The following KCNG1 variants were observed in gnomAD, a reference collection of about 807,000 sequenced individuals.
KCNG1 encodes the protein potassium voltage-gated channel modifier subfamily G member 1.
KCNG1 carries 17 observed loss-of-function variants against 32.4 expected under a neutral mutation model. The ratio of observed to expected loss-of-function variants is 0.52; its 90% CI spans 0.36 to 0.79. The LOEUF is 0.79. Among genes scored for constraint, KCNG1 ranks in the 30% least tolerant of loss-of-function variants. The pLI is 0.00. For synonymous variants in KCNG1, 358 were observed against 339.9 expected (o/e 1.05, Z -0.59); for missense variants, 441 against 735.2 (o/e 0.60, Z 4.63).
At chr20:51,019,058 A>G (rs1048962106) in intron 1 of KCNG1, among the ~76,000 whole-genome samples, 1 of 152,162 alleles carries the variant, frequency 6.6e-6, no homozygotes, top group Admixed American at 6.5e-5. Context: ...AAAAATCAAC[A>G]AAACCCCTAG....
At chr20:51,022,395 T>G (rs149717251) in intron 1 of KCNG1, among the ~76,000 whole-genome samples, 476 of 152,280 alleles carry the variant, frequency 3.1e-3, no homozygotes, top group Non-Finnish European at 4.9e-3. Flanking sequence ...AATAAACGCT[T>G]GCTGTGTTCA....
At chr20:51,021,874 C>T (rs939426470) in intron 1 of KCNG1, among the ~76,000 whole-genome samples, 2 of 152,180 alleles carry the variant, frequency 1.3e-5, no homozygotes, top group Non-Finnish European at 2.9e-5. Context: ...CCCCATCACC[C>T]GCCCCTAAGG....
chr20:51,004,930 C>T lies in KCNG1; in HGVS notation c.775-124G>A. Reference sequence around the variant, plus strand: ...AGGTGACCTCTCCAGGTTGAGTGGCCCCGGGTCCTCTCCCTAGTTGTGCCC... The same window carrying T: ...AGGTGACCTCTCCAGGTTGAGTGGCTCCGGGTCCTCTCCCTAGTTGTGCCC... On this transcript the variant is annotated intron_variant, in intron 2 of 2. Transcript: ENST00000371571. This position sits in a 1 kb window ranked among gnomAD's most constrained non-coding sequence, Gnocchi z 4.3. The T allele has an allele frequency of 1.0e-6, 1 of 978,176 alleles. No homozygotes were observed. Among genetic ancestry groups the T allele is most frequent in the Non-Finnish European group, 1.5e-6 (1 of 684,894 alleles). The allele number at this position is 978,176 out of a possible 1,614,324, so 60.6% of individuals were successfully genotyped here.
In KCNG1 at chr20:51,003,765, T is replaced by G; in HGVS notation, c.*274A>C. ...GTGAAAAGAACAAGGCATCTCCTTATTGAGGGAAACACACATAGGGGCTGG... is the reference window on the plus strand; with the variant it reads ...GTGAAAAGAACAAGGCATCTCCTTAGTGAGGGAAACACACATAGGGGCTGG... On this transcript the variant is annotated 3_prime_UTR_variant, in exon 3 of 3. Transcript: ENST00000371571. 2 of 376,464 alleles carry G rather than the reference T, an allele frequency of 5.3e-6. No individual in the cohort carries two copies. The highest frequency in any genetic ancestry group is 4.8e-6 in the Non-Finnish European group (1 of 209,430). The allele number at this position is 376,464 out of a possible 1,614,324, so 23.3% of individuals were successfully genotyped here.
chr20:51,009,843 T>C lies in KCNG1; in HGVS notation c.496A>G (p.Lys166Glu). The C allele has an allele frequency of 6.2e-7, 1 of 1,613,408 alleles. No homozygotes were observed. The highest frequency in any genetic ancestry group is 8.5e-7 in the Non-Finnish European group (1 of 1,179,938). Residue 166 changes from lysine (K) to glutamate (E), a missense_variant, in exon 2 of 3, where the codon AAG becomes GAG. This residue lies in a region of KCNG1 where 70 missense variants were observed against 158.4 expected (regional missense o/e 0.44). Transcript: ENST00000371571. ...IAEDHLDGCC[K>E]RRYLQKIEEF... is the part of the protein sequence containing the mutation. ...TCAATCTTCTGCAGGTAGCGGCGCT[T>C]GCAGCAGCCGTCCAGGTGGTCCTCC...
rs764148815 is a variant in KCNG1 at position 51,004,264 on chromosome 20, T to C, written c.1317A>G (p.Val439=). ...DMVPRSTPGQ[V]VALSSILSGI... is the part of the protein sequence containing the mutation. ...CGCTCAGGATGCTGCTCAGGGCCACTACCTGGCCCGGGGTGCTCCTGGGGA... is the reference window on the plus strand; with the variant it reads ...CGCTCAGGATGCTGCTCAGGGCCACCACCTGGCCCGGGGTGCTCCTGGGGA... The change falls in exon 3 of 3, where the codon GTA becomes GTG. Residue 439 remains valine, a synonymous_variant. Coordinates refer to ENST00000371571, the MANE Select transcript of KCNG1 (RefSeq NM_002237.4). The surrounding 1 kb of genome is among the most constrained non-coding windows in gnomAD (Gnocchi z 4.3). The C allele has an allele frequency of 2.0e-5, 33 of 1,613,624 alleles. No individual in the cohort carries two copies. Among genetic ancestry groups the C allele is most frequent in the Admixed American group, 6.7e-5 (4 of 59,998 alleles).
chr20:51,019,346 TACAATTAAA>T (rs1431143406), intron 1 of KCNG1, among the ~76,000 whole-genome samples: 1 of 152,096 alleles, frequency 6.6e-6, no homozygotes, highest in African/African-American at 2.4e-5. Context: ...ACCCTGTTTC[TACAATTAAA>T]AAATAATCAG....
chr20:51,004,989 A>G lies in KCNG1; in HGVS notation c.775-183T>C, dbSNP rs931577856. The G allele has an allele frequency of 2.4e-5, 13 of 552,640 alleles. 2 individuals carry two copies. The South Asian group carries it at 3.2e-4, about 14-fold the overall frequency. The allele number at this position is 552,640 out of a possible 1,614,324, so 34.2% of individuals were successfully genotyped here. On this transcript the variant is annotated intron_variant, in intron 2 of 2. Coordinates refer to ENST00000371571, the MANE Select transcript of KCNG1 (RefSeq NM_002237.4). The surrounding 1 kb of genome is among the most constrained non-coding windows in gnomAD (Gnocchi z 4.3). ...GCCTGGGGCACTAAGCACCATCTCT[A>G]CACTGGCCGCTCCTCATCTCTCTCT...
At chr20:51,017,098 A>G (rs565356754) in intron 1 of KCNG1, among the ~76,000 whole-genome samples, 2 of 152,364 alleles carry the variant, frequency 1.3e-5, no homozygotes, top group South Asian at 4.1e-4. Flanking sequence ...GATGGAAGAG[A>G]GTAACAAACA....
At chr20:51,017,448 C>G (rs766938998) in intron 1 of KCNG1, among the ~76,000 whole-genome samples, 1 of 152,092 alleles carries the variant, frequency 6.6e-6, no homozygotes, top group Admixed American at 6.5e-5. Flanking sequence ...GGAAGAAGCG[C>G]GGGGATTGGA....
rs750486050 is a variant in KCNG1 at position 51,003,881 on chromosome 20, C to T, written c.*158G>A. On this transcript the variant is annotated 3_prime_UTR_variant, in exon 3 of 3. Coordinates refer to ENST00000371571, the MANE Select transcript of KCNG1 (RefSeq NM_002237.4). ...TCTGCTGATGTTCTAGTGTTCTTCC[C>T]GGGGTGTGGGAGTGAGGGTGTCCTT... 3.8e-5 allele frequency: 28 copies of T among 729,410 alleles called. No individual in the cohort carries two copies. The highest frequency in any genetic ancestry group is 5.7e-5 in the Non-Finnish European group (26 of 455,624). 45.2% of individuals were successfully genotyped at this position (729,410 alleles called of 1,614,324 possible).
At chr20:51,013,128 C>T (rs1988155124) in intron 1 of KCNG1, among the ~76,000 whole-genome samples, 1 of 151,896 alleles carries the variant, frequency 6.6e-6, no homozygotes, top group South Asian at 2.1e-4. Flanking sequence ...AAGATGAAAC[C>T]CCATCTCTAC....
At chr20:51,020,459 C>G (rs1451114870) in intron 1 of KCNG1, among the ~76,000 whole-genome samples, 1 of 152,184 alleles carries the variant, frequency 6.6e-6, no homozygotes, top group Non-Finnish European at 1.5e-5. Context: ...AATTCAGATC[C>G]TATTTGTAGC....
Position 51,010,243 on chromosome 20 carries a change from G to T in KCNG1, c.96C>A (p.Arg32=), listed in dbSNP as rs1377245694. 1.3e-6 allele frequency: 2 copies of T among 1,544,982 alleles called. No individual in the cohort carries two copies. Among genetic ancestry groups the T allele is most frequent in the Non-Finnish European group, 1.7e-6 (2 of 1,153,180 alleles). The change falls in exon 2 of 3, where the codon CGC becomes CGA. Residue 32 remains arginine, a synonymous_variant. Transcript: ENST00000371571. ...ASFHPAFLPQ[R]QAIKGAFYRR... is the part of the protein sequence containing the mutation. ...GGTAGAACGCGCCCTTGATGGCCTG[G>T]CGCTGCGGGAGGAAGGCCGGGTGGA...
chr20:51,010,092 C>G lies in KCNG1; in HGVS notation c.247G>C (p.Glu83Gln). Residue 83 changes from glutamate (E) to glutamine (Q), a missense_variant, in exon 2 of 3, where the codon GAG becomes CAG. Coordinates refer to ENST00000371571, the MANE Select transcript of KCNG1 (RefSeq NM_002237.4). Reference protein sequence around the residue: ...KYSLPWTTLDEFPLTRLGQLK... With the variant: ...KYSLPWTTLDQFPLTRLGQLK... Reference sequence around the variant, plus strand: ...TGGCCCAGGCGCGTCAGCGGGAACTCGTCCAGCGTGGTCCAGGGCAGCGAG... The same window carrying G: ...TGGCCCAGGCGCGTCAGCGGGAACTGGTCCAGCGTGGTCCAGGGCAGCGAG... The G allele has an allele frequency of 6.2e-7, 1 of 1,613,970 alleles. No individual in the cohort carries two copies. Among genetic ancestry groups the G allele is most frequent in the East Asian group, 2.2e-5 (1 of 44,874 alleles).
At chr20:51,010,456 T>C (rs1390569991) in intron 1 of KCNG1, 92 bp from the exon 2 acceptor site, 2 of 883,208 alleles carry the variant, frequency 2.3e-6, no homozygotes, top group Non-Finnish European at 3.3e-6. Flanking sequence ...CTGTTAGGGA[T>C]GGAATCTTTG....
intron 2 of KCNG1, among the ~76,000 whole-genome samples, chr20:51,007,490 A>T (rs564482377): frequency 1.6e-3 from 237 of 152,180 alleles, no homozygotes; most frequent in Middle Eastern, 3.4e-3. Flanking sequence ...GTGGCCTAAA[A>T]TTGTTTTTTT....
At chr20:51,020,594 G>T (rs1240614375) in intron 1 of KCNG1, among the ~76,000 whole-genome samples, 1 of 152,044 alleles carries the variant, frequency 6.6e-6, no homozygotes, top group Admixed American at 6.6e-5. Context: ...CTATTTAGAG[G>T]GGCTTTACCA....
intron 1 of KCNG1, among the ~76,000 whole-genome samples, chr20:51,019,107 A>G (rs113745350): frequency 2.6e-4 from 39 of 152,258 alleles, no homozygotes; most frequent in African/African-American, 9.2e-4. Context: ...GCCTCTGGGA[A>G]GGAGATGTTG....
Sources: allele counts gnomAD v4.1 joint callset (sites outside exome capture counted in the v4.1 genomes callset), GRCh38; gene constraint gnomAD v4.1.1; regional missense constraint gnomAD v4.1.1; non-coding constraint Gnocchi (gnomAD v3.1); transcripts MANE v1.5; gene names NCBI Gene and HGNC (gene_info 2026-07-23, HGNC 2026-07-21).